PPP2R2A: variants seen among roughly 807,000 people sequenced by gnomAD.
PPP2R2A encodes serine/threonine-protein phosphatase 2A 55 kDa regulatory subunit B alpha isoform.
In PPP2R2A, 9 loss-of-function variants were observed where a neutral mutation model predicts 53.2. The ratio of observed to expected loss-of-function variants is 0.17; its 90% CI spans 0.10 to 0.30. PPP2R2A has a LOEUF of 0.30. Ranked by LOEUF, PPP2R2A falls within the 10% of genes least tolerant of loss-of-function variation. The probability of loss-of-function intolerance (pLI) is 1.00; values close to 1 mark genes in which losing one functional copy is unlikely to be tolerated. For synonymous variants in PPP2R2A, 169 were observed against 174.2 expected (o/e 0.97, Z 0.23); for missense variants, 235 against 534.6 (o/e 0.44, Z 5.53).
chr8:26,365,358 T>A (rs1193930409), intron 8 of PPP2R2A: 3 of 152,196 alleles, frequency 2.0e-5, no homozygotes, highest in Non-Finnish European at 2.9e-5. Flanking sequence ...TGAGTTGCTA[T>A]TCCTCTGTAT....
chr8:26,306,857 A>T (rs1490764629), intron 2 of PPP2R2A, among the ~76,000 whole-genome samples: 1 of 152,192 alleles, frequency 6.6e-6, no homozygotes, highest in Non-Finnish European at 1.5e-5. Context: ...AGAATGGTAA[A>T]TCAAGAGGAA....
intron 2 of PPP2R2A, among the ~76,000 whole-genome samples, chr8:26,299,177 G>A (rs1367860702): frequency 6.6e-6 from 1 of 151,978 alleles, no homozygotes; most frequent in Non-Finnish European, 1.5e-5. Context: ...AGGAGGCTGA[G>A]ACTTGAGCCT....
intron 2 of PPP2R2A, among the ~76,000 whole-genome samples, chr8:26,329,316 T>A (rs182736830): frequency 6.6e-6 from 1 of 152,332 alleles, no homozygotes; most frequent in African/African-American, 2.4e-5. Flanking sequence ...TTGTCATTTA[T>A]ATTTTTTAGG....
chr8:26,336,128 A>AGGTAAG (rs1256047893), intron 2 of PPP2R2A, among the ~76,000 whole-genome samples: 2 of 152,156 alleles, frequency 1.3e-5, no homozygotes, highest in Non-Finnish European at 2.9e-5. Context: ...ATAATAAAAT[A>AGGTAAG]GGTAAGGGCT....
intron 3 of PPP2R2A, among the ~76,000 whole-genome samples, chr8:26,353,826 T>C (rs76098791): frequency 0.064 from 9,725 of 152,158 alleles, 474 homozygotes; most frequent in East Asian, 0.25. Flanking sequence ...CAGTTGTTGA[T>C]GGGGGTGCAT....
intron 3 of PPP2R2A, among the ~76,000 whole-genome samples, chr8:26,345,239 GAATT>G (rs1443808823): frequency 4.6e-5 from 7 of 152,020 alleles, no homozygotes; most frequent in East Asian, 1.9e-4. Flanking sequence ...AGTAATTTTG[GAATT>G]AATTATTTAA....
Position 26,321,958 on chromosome 8 carries a change from C to T in PPP2R2A, c.83-16932C>T, listed in dbSNP as rs974075831. 2.6e-5 allele frequency among the ~76,000 whole-genome samples: 4 copies of T among 152,166 alleles called. No homozygotes were observed. The highest frequency in any genetic ancestry group is 7.2e-5 in the African/African-American group (3 of 41,434). Reference sequence around the variant, plus strand: ...TTTTCTGGTTGAACCCAACACAGTACCCAATATTACATAAACACAGGCCCT... The same window carrying T: ...TTTTCTGGTTGAACCCAACACAGTATCCAATATTACATAAACACAGGCCCT... On this transcript the variant is annotated intron_variant, in intron 2 of 9. Transcript: ENST00000380737. This position sits in a 1 kb window ranked among gnomAD's most constrained non-coding sequence, Gnocchi z 4.1.
At chr8:26,355,168 C>G (rs1051720583) in intron 4 of PPP2R2A, among the ~76,000 whole-genome samples, 1 of 152,172 alleles carries the variant, frequency 6.6e-6, no homozygotes, top group African/African-American at 2.4e-5. Context: ...TAGGAGAGCA[C>G]TTTCTTACTT....
chr8:26,292,796 C>T (rs1465208831), intron 1 of PPP2R2A, among the ~76,000 whole-genome samples: 1 of 152,068 alleles, frequency 6.6e-6, no homozygotes, highest in Non-Finnish European at 1.5e-5. Context: ...TCCCTAGAGC[C>T]CCAGGACATT....
chr8:26,330,230 G>GT (rs1161697330), intron 2 of PPP2R2A, among the ~76,000 whole-genome samples: 1 of 151,376 alleles, frequency 6.6e-6, no homozygotes, highest in East Asian at 1.9e-4. Context: ...ACTTCAAATA[G>GT]TATGTTTTTT....
rs199528358 is a variant in PPP2R2A, at chr8:26,291,785, G to A, written c.-35G>A. 6.4e-7 allele frequency: 1 copy of A among 1,554,042 alleles called. No individual in the cohort carries two copies. The stretch of plus-strand genomic sequence containing the variant: ...GGTGAGTTCAGGAAGCGGAGACCCC[G>A]AGGAACCCAGCAGGGTCACCATTTG... On this transcript the variant is annotated 5_prime_UTR_variant, in exon 1 of 10. Coordinates refer to ENST00000380737, the MANE Select transcript of PPP2R2A (RefSeq NM_002717.4).
chr8:26,333,640 T>C (rs896218848), intron 2 of PPP2R2A: 1 of 709,108 alleles, frequency 1.4e-6, no homozygotes. Context: ...GTTACACCCA[T>C]TTATATATAC....
chr8:26,350,922 T>G (rs1464517456), intron 3 of PPP2R2A, among the ~76,000 whole-genome samples: 1 of 152,076 alleles, frequency 6.6e-6, no homozygotes, highest in Non-Finnish European at 1.5e-5. Flanking sequence ...GAGGCTGAAT[T>G]GGTTGGATCA....
rs1409553919 is a variant in PPP2R2A at position 26,293,642 on chromosome 8, A to C, written c.8-24A>C. ...GTCAACATAAGCAGAACTCGGTTTT[A>C]ATTGGTATGTTTTCTTTTTCCAGGA... On this transcript the variant is annotated intron_variant, in intron 1 of 9. Transcript: ENST00000380737. The C allele has an allele frequency of 1.9e-6, 3 of 1,604,828 alleles. No individual in the cohort carries two copies. In the Admixed American group the frequency reaches 5.1e-5, roughly 27 times the overall value.
rs1053928752 is a variant in PPP2R2A, at chr8:26,292,310, T to G, written c.7+484T>G. 89 of 988,460 alleles carry G rather than the reference T, an allele frequency of 9.0e-5. 1 individual carries two copies. The highest frequency in any genetic ancestry group is 3.5e-5 in the African/African-American group (2 of 57,286). 61.2% of individuals were successfully genotyped at this position (988,460 alleles called of 1,614,324 possible). The stretch of plus-strand genomic sequence containing the variant: ...GAGCGCCTTATAAGTTAAAATACAG[T>G]GGGGGCATATGTGTATTTTTTCCCC... On this transcript the variant is annotated intron_variant, in intron 1 of 9. Coordinates refer to ENST00000380737, the MANE Select transcript of PPP2R2A (RefSeq NM_002717.4).
intron 2 of PPP2R2A, among the ~76,000 whole-genome samples, chr8:26,299,263 A>C (rs79291880): frequency 5.3e-5 from 2 of 37,472 alleles, no homozygotes; most frequent in Non-Finnish European, 1.2e-4. Flanking sequence ...CTCTGTTTCA[A>C]AAAAAAAAAA....
At chr8:26,297,051 G>C (rs529061637) in intron 2 of PPP2R2A, among the ~76,000 whole-genome samples, 1 of 152,236 alleles carries the variant, frequency 6.6e-6, no homozygotes, top group South Asian at 2.1e-4. Context: ...GGTGATTTCT[G>C]CTCTTCCTTG....
At chr8:26,341,095 G>A (rs925903086) in intron 3 of PPP2R2A, among the ~76,000 whole-genome samples, 1 of 152,096 alleles carries the variant, frequency 6.6e-6, no homozygotes, top group Non-Finnish European at 1.5e-5. Context: ...TAGATGGAGA[G>A]TTTTGTAGAA....
chr8:26,368,145 A>G (rs1015233730), intron 9 of PPP2R2A, among the ~76,000 whole-genome samples: 6 of 152,216 alleles, frequency 3.9e-5, no homozygotes, highest in African/African-American at 1.4e-4. Flanking sequence ...TGGGGATGTC[A>G]ATCTAAATTA....
Sources: allele counts gnomAD v4.1 joint callset (sites outside exome capture counted in the v4.1 genomes callset), GRCh38; gene constraint gnomAD v4.1.1; non-coding constraint Gnocchi (gnomAD v3.1); transcripts MANE v1.5; gene names NCBI Gene and HGNC (gene_info 2026-07-23, HGNC 2026-07-21).